Variants in LRMDA observed in about 807,000 individuals in gnomAD.
LRMDA encodes leucine-rich melanocyte differentiation-associated protein.
Under a neutral mutation model 29.8 loss-of-function variants are expected in LRMDA, and 18 were observed. The observed-to-expected ratio is 0.60, with a 90% CI of 0.42 to 0.90. LRMDA has a LOEUF of 0.90. Ranked by LOEUF, LRMDA falls within the 40% of genes least tolerant of loss-of-function variation. The pLI is 0.00. For missense variants in LRMDA, 273 were observed against 273.9 expected, an observed-to-expected ratio of 1.00 and a Z score of 0.02; for synonymous variants, 125 against 109.4, an observed-to-expected ratio of 1.14 and a Z score of -0.89.
intron 6 of LRMDA, among the ~76,000 whole-genome samples, chr10:76,427,217 T>G (rs545510551): frequency 0.054 from 7,892 of 146,716 alleles, 328 homozygotes; most frequent in Middle Eastern, 0.12. Flanking sequence ...TTCACAATTT[T>G]ATTCTTCCTA....
At chr10:76,405,244 A>G (rs1483502961) in intron 6 of LRMDA, among the ~76,000 whole-genome samples, 1 of 152,196 alleles carries the variant, frequency 6.6e-6, no homozygotes, top group African/African-American at 2.4e-5. Flanking sequence ...GCAATATTCA[A>G]AGTTTCTATT....
intron 6 of LRMDA, among the ~76,000 whole-genome samples, chr10:76,448,538 C>G (rs886378859): frequency 2.0e-5 from 3 of 152,006 alleles, no homozygotes; most frequent in Admixed American, 1.3e-4. Flanking sequence ...TCCAATTTTA[C>G]CAGTAGGATA....
intron 2 of LRMDA, among the ~76,000 whole-genome samples, chr10:75,542,877 G>T (rs1480580316): frequency 2.0e-5 from 3 of 152,132 alleles, no homozygotes; most frequent in African/African-American, 7.2e-5. Flanking sequence ...CCTCTACCAG[G>T]CCCCTTCCTG....
chr10:75,983,139 C>T (rs1245841407), intron 2 of LRMDA, among the ~76,000 whole-genome samples: 1 of 152,120 alleles, frequency 6.6e-6, no homozygotes, highest in Non-Finnish European at 1.5e-5. Flanking sequence ...TTGTAGTAAA[C>T]AATCCTAGAT....
intron 5 of LRMDA, among the ~76,000 whole-genome samples, chr10:76,116,102 A>T (rs1403280651): frequency 6.6e-6 from 1 of 152,118 alleles, no homozygotes; most frequent in African/African-American, 2.4e-5. Context: ...TGAATGTGGG[A>T]TGCCCGCACC....
At chr10:76,235,001 A>G (rs1180868376) in intron 5 of LRMDA, among the ~76,000 whole-genome samples, 3 of 152,218 alleles carry the variant, frequency 2.0e-5, no homozygotes, top group Admixed American at 6.5e-5. Flanking sequence ...ATCGTTTGGT[A>G]TAAGAGGCCT....
Position 76,558,511 on chromosome 10 carries a change from A to AAT in LRMDA, c.*1224_*1225dup, listed in dbSNP as rs1843586348. 1 of 152,196 alleles carries AAT rather than the reference A, an allele frequency of 6.6e-6. No individual in the cohort carries two copies. The highest frequency in any genetic ancestry group is 2.4e-5 in the African/African-American group (1 of 41,444). 9.4% of individuals were successfully genotyped at this position (152,196 alleles called of 1,614,324 possible). The stretch of plus-strand genomic sequence containing the variant: ...ATCTAACTTGCTGGTGCACCAGTCA[A>AAT]ATCACTCTAGAAGATGTTCAAAAGG... On this transcript the variant is annotated 3_prime_UTR_variant, in exon 7 of 7. Coordinates refer to ENST00000611255, the MANE Select transcript of LRMDA (RefSeq NM_001305581.2).
At chr10:75,608,129 T>TATATATATATATATATATAGACAC (rs11271217) in intron 2 of LRMDA, among the ~76,000 whole-genome samples, 2 of 89,590 alleles carry the variant, frequency 2.2e-5, no homozygotes, top group Non-Finnish European at 5.4e-5. Flanking sequence ...TATATATATA[T>TATATATATATATATATATAGACAC]ACACACACAT....
At chr10:75,456,234 T>C (rs1844515553) in intron 2 of LRMDA, among the ~76,000 whole-genome samples, 1 of 152,154 alleles carries the variant, frequency 6.6e-6, no homozygotes, top group South Asian at 2.1e-4. Flanking sequence ...CCCTGACACA[T>C]ATACGCGGCA....
intron 2 of LRMDA, among the ~76,000 whole-genome samples, chr10:75,704,942 C>T (rs1451604674): frequency 6.6e-6 from 1 of 152,068 alleles, no homozygotes; most frequent in East Asian, 1.9e-4. Context: ...TTCAAACTGC[C>T]ACAAGTAGAG....
intron 2 of LRMDA, among the ~76,000 whole-genome samples, chr10:75,814,224 G>C (rs74338408): frequency 0.016 from 2,375 of 152,254 alleles, 62 homozygotes; most frequent in African/African-American, 0.054. Context: ...TATTGATCTT[G>C]TTTTCTTGAG....
At chr10:76,494,580 G>T (rs1283335366) in intron 6 of LRMDA, among the ~76,000 whole-genome samples, 2 of 151,578 alleles carry the variant, frequency 1.3e-5, no homozygotes, top group African/African-American at 4.8e-5. Context: ...TGGTTTCATA[G>T]ATCTTTCTTT....
At chr10:76,054,819 T>A (rs372229848) in intron 4 of LRMDA, among the ~76,000 whole-genome samples, 1 of 151,406 alleles carries the variant, frequency 6.6e-6, no homozygotes, top group Non-Finnish European at 1.5e-5. Flanking sequence ...TGGTGGTTCA[T>A]GCCTGTAATT....
intron 5 of LRMDA, among the ~76,000 whole-genome samples, chr10:76,273,426 G>A (rs1840091798): frequency 6.6e-6 from 1 of 152,104 alleles, no homozygotes; most frequent in South Asian, 2.1e-4. Context: ...AAGAATCATT[G>A]TAACCATTAG....
At chr10:76,027,022 C>T (rs1212760507) in intron 2 of LRMDA, among the ~76,000 whole-genome samples, 1 of 152,230 alleles carries the variant, frequency 6.6e-6, no homozygotes, top group Admixed American at 6.5e-5. Flanking sequence ...ATTCTGCATT[C>T]TGGAACCCTG....
chr10:76,300,767 G>C (rs1840471248), intron 5 of LRMDA, among the ~76,000 whole-genome samples: 1 of 152,156 alleles, frequency 6.6e-6, no homozygotes, highest in African/African-American at 2.4e-5. Flanking sequence ...ATGGTGCAAA[G>C]AGCACAGCAC....
intron 5 of LRMDA, among the ~76,000 whole-genome samples, chr10:76,122,582 AC>A (rs1564658569): frequency 6.6e-6 from 1 of 152,012 alleles, no homozygotes; most frequent in Non-Finnish European, 1.5e-5. Flanking sequence ...CTTAGAATAA[AC>A]CTGCATATAA....
rs1321304147 is a variant in LRMDA at position 75,501,773 on chromosome 10, A to C, written c.131+63279A>C. Among the ~76,000 whole-genome samples, 14 of 152,292 alleles carry C rather than the reference A, an allele frequency of 9.2e-5. No homozygotes were observed. In the South Asian group the frequency reaches 2.3e-3, roughly 25 times the overall value. Reference sequence around the variant, plus strand: ...AGTCAGGGAAGATATTGCTATTTAAAACTGCTCCCAGGTCTTAGTGACTTA... The same window carrying C: ...AGTCAGGGAAGATATTGCTATTTAACACTGCTCCCAGGTCTTAGTGACTTA... On this transcript the variant is annotated intron_variant, in intron 2 of 6. Transcript: ENST00000611255.
intron 5 of LRMDA, among the ~76,000 whole-genome samples, chr10:76,268,074 G>T (rs532730984): frequency 9.2e-5 from 14 of 152,228 alleles, no homozygotes; most frequent in Middle Eastern, 3.4e-3. Flanking sequence ...CTTGAGGGGT[G>T]GGCTGTGTGT....
Sources: gnomAD v4.1 joint callset for allele counts (sites outside exome capture counted in the v4.1 genomes callset) on GRCh38, gnomAD v4.1.1 for gene constraint, MANE v1.5 for transcripts, NCBI Gene and HGNC (gene_info 2026-07-23, HGNC 2026-07-21) for gene names.